COBL: variants seen among roughly 807,000 people sequenced by gnomAD.
COBL encodes cordon-bleu WH2 repeat protein, also known as protein cordon-bleu.
In COBL, 51 loss-of-function variants were observed where a neutral mutation model predicts 98.8. That is an observed-to-expected ratio of 0.52 (90% CI 0.41 to 0.65). The LOEUF is 0.65. COBL is among the 30% of genes least tolerant of loss of function. The probability of loss-of-function intolerance (pLI) is 0.00; values close to 1 mark genes in which losing one functional copy is unlikely to be tolerated. For synonymous variants in COBL, 634 were observed against 651.7 expected (o/e 0.97, Z 0.41); for missense variants, 1,617 against 1,617.5 (o/e 1.00, Z 0.01).
intron 5 of COBL, among the ~76,000 whole-genome samples, chr7:51,159,653 T>C (rs1262675794): frequency 6.6e-6 from 1 of 152,190 alleles, no homozygotes; most frequent in Non-Finnish European, 1.5e-5. Flanking sequence ...TCAGTATCCT[T>C]ACAAACATCA....
rs1246887203 is a variant in COBL, at chr7:51,028,999, G to T, written c.2097C>A (p.Tyr699Ter). 6.2e-7 allele frequency: 1 copy of T among 1,614,148 alleles called. No homozygotes were observed. The highest frequency in any genetic ancestry group is 1.7e-5 in the Admixed American group (1 of 60,018). ...ACGTTGTGAGGCCGTGCTTAAGTCT[G>T]TAGCTTTTCCCTGGGTTTTGGCCTC... ...HQRGQNPGKS[Y>*]RLKHGLTTYK... The change falls in exon 10 of 13, where the codon TAC (tyrosine) becomes TAA (stop). Residue 699 changes from tyrosine to a stop codon, truncating the protein, a stop_gained. Transcript: ENST00000265136. LOFTEE classifies it high-confidence loss of function.
chr7:51,261,489 CT>C (rs1797712874), intron 1 of COBL, among the ~76,000 whole-genome samples: 1 of 152,174 alleles, frequency 6.6e-6, no homozygotes, highest in African/African-American at 2.4e-5. Flanking sequence ...GAGTCAAAAG[CT>C]ACTGCGAAAC....
intron 8 of COBL, chr7:51,032,226 G>A (rs1331663911): frequency 6.6e-6 from 1 of 152,206 alleles, no homozygotes; most frequent in Non-Finnish European, 1.5e-5. Context: ...CTGTGGCACG[G>A]GGCATCCAGG....
intron 4 of COBL, among the ~76,000 whole-genome samples, chr7:51,187,331 T>C (rs809007): frequency 0.26 from 25,950 of 101,008 alleles, 2,455 homozygotes; most frequent in East Asian, 0.48. Flanking sequence ...TATATATATA[T>C]ACACACACAC....
At chr7:51,019,708 C>G (rs1018962260) in intron 12 of COBL, among the ~76,000 whole-genome samples, 4 of 152,198 alleles carry the variant, frequency 2.6e-5, no homozygotes, top group Non-Finnish European at 4.4e-5. Context: ...CGCAAAGAGT[C>G]TGCAAAGACA....
chr7:51,262,541 G>A (rs1242852724), intron 1 of COBL, among the ~76,000 whole-genome samples: 4 of 152,210 alleles, frequency 2.6e-5, no homozygotes, highest in Non-Finnish European at 5.9e-5. Context: ...AGCCTAGTAA[G>A]AGCGCACAGG....
At chr7:51,082,653 C>T (rs111802294) in intron 7 of COBL, among the ~76,000 whole-genome samples, 2 of 149,724 alleles carry the variant, frequency 1.3e-5, no homozygotes, top group African/African-American at 4.9e-5. Context: ...GGACGTCCTC[C>T]CAGCTCTTGA....
At chr7:51,077,505 G>T (rs12719026) in intron 7 of COBL, among the ~76,000 whole-genome samples, 43,983 of 152,086 alleles carry the variant, frequency 0.29, 6,789 homozygotes, top group Non-Finnish European at 0.36. Flanking sequence ...CAGGGAGCAC[G>T]AGTTTGTTCT....
intron 1 of COBL, among the ~76,000 whole-genome samples, chr7:51,263,383 GAT>G (rs1797893455): frequency 6.6e-6 from 1 of 152,222 alleles, no homozygotes. Context: ...TGGTCAGTGG[GAT>G]ATGTTTCACA....
intron 5 of COBL, among the ~76,000 whole-genome samples, chr7:51,143,587 T>C (rs1413816486): frequency 6.6e-6 from 1 of 152,156 alleles, no homozygotes; most frequent in South Asian, 2.1e-4. Flanking sequence ...AACTCGGCTG[T>C]AGATGTGCAT....
At chr7:51,073,258 G>C in intron 7 of COBL, 1 of 605,986 alleles carries the variant, frequency 1.7e-6, no homozygotes, top group Admixed American at 2.5e-5. Context: ...CTTTTATCCT[G>C]AAAGGAGGAA....
intron 1 of COBL, among the ~76,000 whole-genome samples, chr7:51,232,967 A>G (rs1794908091): frequency 6.6e-6 from 1 of 152,238 alleles, no homozygotes; most frequent in African/African-American, 2.4e-5. Flanking sequence ...AAGGCATTAA[A>G]TCGTAGATAA....
intron 1 of COBL, among the ~76,000 whole-genome samples, chr7:51,291,725 C>T (rs1413827285): frequency 3.3e-5 from 5 of 152,006 alleles, no homozygotes; most frequent in Non-Finnish European, 7.4e-5. Flanking sequence ...CACGCCATTG[C>T]ACTCCAGCCA....
At chr7:51,119,483 C>T (rs1257583411) in intron 6 of COBL, among the ~76,000 whole-genome samples, 3 of 152,092 alleles carry the variant, frequency 2.0e-5, no homozygotes, top group East Asian at 1.9e-4. Flanking sequence ...GAGGAGGGAG[C>T]GAAGCTGTGT....
Position 51,085,171 on chromosome 7 carries a change from G to A in COBL, c.1091C>T (p.Thr364Met), listed in dbSNP as rs200839538. 35 of 1,613,842 alleles carry A rather than the reference G, an allele frequency of 2.2e-5. No individual in the cohort carries two copies. The highest frequency in any genetic ancestry group is 1.7e-4 in the Middle Eastern group (1 of 6,058). The change falls in exon 7 of 13, where the codon ACG (threonine) becomes ATG (methionine). Residue 364 changes from threonine (T) to methionine (M), a missense_variant. This residue lies in a region of COBL where 1,304 missense variants were observed against 1,282.0 expected (regional missense o/e 1.02). Coordinates refer to ENST00000265136, the MANE Select transcript of COBL (RefSeq NM_015198.5). ...GCAGGCCGAGCCTCACTCACCCATC[G>A]TGCTCTTCCTGTTCTCCTCCTTATC... ...TEDKEENRKSTMVSLPLGSGS... is the reference protein window; with the variant it reads ...TEDKEENRKSMMVSLPLGSGS...
chr7:51,315,501 C>G (rs1803465929), intron 1 of COBL, among the ~76,000 whole-genome samples: 1 of 152,222 alleles, frequency 6.6e-6, no homozygotes, highest in South Asian at 2.1e-4. Flanking sequence ...GTCCCCAAAG[C>G]TGCCTCCTTC....
chr7:51,037,572 T>C (rs1178553282), intron 8 of COBL, among the ~76,000 whole-genome samples: 2 of 152,218 alleles, frequency 1.3e-5, no homozygotes, highest in Non-Finnish European at 2.9e-5. Flanking sequence ...ACACAGGACC[T>C]TCCCTGAGGG....
At chr7:51,273,341 A>AG (rs1554454685) in intron 1 of COBL, among the ~76,000 whole-genome samples, 8 of 151,852 alleles carry the variant, frequency 5.3e-5, no homozygotes, top group African/African-American at 1.7e-4. Flanking sequence ...AAAAAAAAAA[A>AG]AAAAAGAAAA....
chr7:51,198,694 T>C (rs1790820515), intron 2 of COBL, among the ~76,000 whole-genome samples: 3 of 152,224 alleles, frequency 2.0e-5, no homozygotes, highest in Admixed American at 2.0e-4. Flanking sequence ...GGTTTCCAGA[T>C]GTTACCAAAT....
Sources: gnomAD v4.1 joint callset for allele counts (sites outside exome capture counted in the v4.1 genomes callset) on GRCh38, gnomAD v4.1.1 for gene constraint, gnomAD v4.1.1 regional missense constraint, MANE v1.5 for transcripts, NCBI Gene and HGNC (gene_info 2026-07-23, HGNC 2026-07-21) for gene names.